Variants in SMCO2 observed in about 807,000 individuals in gnomAD.
SMCO2 encodes single-pass membrane and coiled-coil domain-containing protein 2.
In SMCO2, 25 loss-of-function variants were observed where a neutral mutation model predicts 29.5. The ratio of observed to expected loss-of-function variants is 0.85; its 90% CI spans 0.62 to 1.18. SMCO2 has a LOEUF of 1.18. SMCO2 is among the 50% of genes most tolerant of loss of function. The pLI is 0.00. For synonymous variants in SMCO2, 117 were observed against 123.3 expected, an observed-to-expected ratio of 0.95 and a Z score of 0.34; for missense variants, 348 against 344.5, an observed-to-expected ratio of 1.01 and a Z score of -0.08.
At chr12:27,455,990 C>T in the SMCO2 span, among the ~76,000 whole-genome samples, 4 of 152,144 alleles carry the variant, frequency 2.6e-5, no homozygotes, top group African/African-American at 9.7e-5. Context: ...TGGGTGGATC[C>T]CAAAATCCTG....
At chr12:27,438,759 C>G in the SMCO2 span, among the ~76,000 whole-genome samples, 4 of 133,274 alleles carry the variant, frequency 3.0e-5, no homozygotes, top group African/African-American at 2.7e-5. Context: ...CTTCTCCCCC[C>G]ACCCACCCAC....
At chr12:27,475,619 A>T in intron 4 of SMCO2, 1 of 1,550,156 alleles carries the variant, frequency 6.5e-7, no homozygotes, top group Non-Finnish European at 8.7e-7. Flanking sequence ...AAACTACTGG[A>T]ACACAAAGAT....
chr12:27,457,513 C>T, the SMCO2 span, among the ~76,000 whole-genome samples: 1 of 152,194 alleles, frequency 6.6e-6, no homozygotes. Context: ...AGTATCAGAA[C>T]CACTCATCAC....
the SMCO2 span, among the ~76,000 whole-genome samples, chr12:27,427,086 G>C: frequency 1.4e-4 from 21 of 152,184 alleles, no homozygotes; most frequent in Non-Finnish European, 2.1e-4. Flanking sequence ...TATAGAATGT[G>C]ATAGCTGCTA....
the SMCO2 span, among the ~76,000 whole-genome samples, chr12:27,443,209 C>T: frequency 6.6e-6 from 1 of 152,146 alleles, no homozygotes; most frequent in African/African-American, 2.4e-5. Context: ...GATGTTTCAA[C>T]ATATGCAAAT....
At chr12:27,452,750 A>T in the SMCO2 span, among the ~76,000 whole-genome samples, 1 of 152,142 alleles carries the variant, frequency 6.6e-6, no homozygotes, top group African/African-American at 2.4e-5. Context: ...AGATTCCCAA[A>T]GTGCTGGGAT....
rs572103859 is a variant in SMCO2, at chr12:27,500,093, A to AT, written c.684-1823dup. Among the ~76,000 whole-genome samples, 144 of 150,728 alleles carry AT rather than the reference A, an allele frequency of 9.6e-4. 7 individuals are homozygous for AT. In the South Asian group the frequency reaches 0.018, roughly 18 times the overall value. On this transcript the variant is annotated intron_variant, in intron 7 of 7. Coordinates refer to ENST00000298876, the Ensembl canonical transcript of SMCO2. ...AAATGAATAAAATTATTAGTGACAC[A>AT]TTTTTTTGGTTCTGTACAGGTGATA... is the stretch of plus-strand genomic sequence containing the variant.
At chr12:27,495,107 G>A (rs77593476) in intron 6 of SMCO2, among the ~76,000 whole-genome samples, 1 of 152,280 alleles carries the variant, frequency 6.6e-6, no homozygotes, top group East Asian at 1.9e-4. Context: ...AAGAATGAAT[G>A]TATCAACCTG....
intron 7 of SMCO2, among the ~76,000 whole-genome samples, chr12:27,496,338 A>T (rs1170876106): frequency 6.6e-6 from 1 of 150,498 alleles, no homozygotes; most frequent in Non-Finnish European, 1.5e-5. Context: ...ATATATAAAG[A>T]TTTGTCTATG....
intron 4 of SMCO2, among the ~76,000 whole-genome samples, chr12:27,481,465 T>C (rs1949642941): frequency 6.6e-6 from 1 of 152,206 alleles, no homozygotes; most frequent in South Asian, 2.1e-4. Context: ...AGTTTTAATA[T>C]CAGAATAACA....
chr12:27,448,989 G>T, the SMCO2 span, among the ~76,000 whole-genome samples: 1 of 152,192 alleles, frequency 6.6e-6, no homozygotes, highest in Non-Finnish European at 1.5e-5. Flanking sequence ...GTGGGAAACT[G>T]TCCATCCACT....
At chr12:27,431,918 C>G in the SMCO2 span, among the ~76,000 whole-genome samples, 8 of 152,128 alleles carry the variant, frequency 5.3e-5, no homozygotes, top group African/African-American at 1.9e-4. Context: ...CTTGCCAACT[C>G]TTATTATAAC....
chr12:27,488,799 G>C (rs527337034), intron 5 of SMCO2, among the ~76,000 whole-genome samples: 3 of 152,256 alleles, frequency 2.0e-5, no homozygotes, highest in African/African-American at 4.8e-5. Flanking sequence ...ACCTTAAGAT[G>C]AGTACCTTAA....
At chr12:27,440,648 GTT>G in the SMCO2 span, among the ~76,000 whole-genome samples, 6,851 of 122,296 alleles carry the variant, frequency 0.056, 195 homozygotes, top group African/African-American at 0.091. Flanking sequence ...TTTTCTGTGG[GTT>G]TTTTTTTTTT....
At chr12:27,448,079 T>C in the SMCO2 span, among the ~76,000 whole-genome samples, 1 of 152,166 alleles carries the variant, frequency 6.6e-6, no homozygotes, top group Non-Finnish European at 1.5e-5. Context: ...TCAAAAATAG[T>C]TATCAATTAA....
intron 4 of SMCO2, among the ~76,000 whole-genome samples, chr12:27,487,815 T>C (rs1167924414): frequency 4.0e-5 from 6 of 151,886 alleles, no homozygotes; most frequent in Non-Finnish European, 7.4e-5. Flanking sequence ...GGTACTAATT[T>C]GCATTTCTCT....
the SMCO2 span, among the ~76,000 whole-genome samples, chr12:27,441,852 C>T: frequency 8.8e-4 from 134 of 152,260 alleles, no homozygotes; most frequent in South Asian, 2.1e-3. Context: ...AAATAGAAAT[C>T]ATGTCAAGTA....
chr12:27,466,219 C>T (rs1025560299), upstream of SMCO2, among the ~76,000 whole-genome samples: 4 of 152,110 alleles, frequency 2.6e-5, no homozygotes, highest in African/African-American at 9.6e-5. Flanking sequence ...GTCAGGAGTT[C>T]GAGACCAGCC....
the SMCO2 span, among the ~76,000 whole-genome samples, chr12:27,433,123 T>A: frequency 2.0e-5 from 3 of 152,176 alleles, no homozygotes; most frequent in African/African-American, 7.2e-5. Context: ...AATGTATAAT[T>A]TTTAAAGGTT....
Sources: allele counts gnomAD v4.1 joint callset (sites outside exome capture counted in the v4.1 genomes callset), GRCh38; gene constraint gnomAD v4.1.1; transcripts MANE v1.5; gene names NCBI Gene and HGNC (gene_info 2026-07-23, HGNC 2026-07-21).